MACROD1: variants seen among roughly 807,000 people sequenced by gnomAD.
The protein encoded by MACROD1 is mono-ADP ribosylhydrolase 1.
A neutral mutation model predicts 41.4 loss-of-function variants in MACROD1; 31 were observed. The observed-to-expected ratio is 0.75, with a 90% CI of 0.56 to 1.01. The LOEUF (loss-of-function observed/expected upper bound fraction) is 1.01. Ranked by LOEUF, MACROD1 falls within the 50% of genes least tolerant of loss-of-function variation. MACROD1 has a pLI of 0.00. For synonymous variants in MACROD1, 252 were observed against 203.4 expected, an observed-to-expected ratio of 1.24 and a Z score of -2.03; for missense variants, 473 against 460.0, an observed-to-expected ratio of 1.03 and a Z score of -0.26.
At chr11:64,158,055 C>T (rs1451482407) in intron 1 of MACROD1, among the ~76,000 whole-genome samples, 1 of 152,156 alleles carries the variant, frequency 6.6e-6, no homozygotes, top group East Asian at 1.9e-4. Flanking sequence ...GGAGAAGCCC[C>T]CCGACTCCCA....
At chr11:64,059,906 G>A (rs1943865007) in intron 3 of MACROD1, among the ~76,000 whole-genome samples, 1 of 152,098 alleles carries the variant, frequency 6.6e-6, no homozygotes, top group Non-Finnish European at 1.5e-5. Context: ...GCGAGGCGAG[G>A]CTGGCAACCG....
chr11:64,083,974 T>C (rs936031885), intron 3 of MACROD1, among the ~76,000 whole-genome samples: 1 of 150,394 alleles, frequency 6.6e-6, no homozygotes, highest in African/African-American at 2.4e-5. Flanking sequence ...ATGAAGAGTG[T>C]CATTTACACA....
chr11:64,095,830 T>C (rs1397348790), intron 3 of MACROD1, among the ~76,000 whole-genome samples: 2 of 151,960 alleles, frequency 1.3e-5, no homozygotes, highest in Non-Finnish European at 2.9e-5. Flanking sequence ...AAGTCAGGGG[T>C]TGAGACCTGA....
At chr11:64,014,900 AT>A (rs1437699905) in intron 4 of MACROD1, among the ~76,000 whole-genome samples, 3 of 152,164 alleles carry the variant, frequency 2.0e-5, no homozygotes, top group Admixed American at 1.3e-4. Context: ...AGAGATGATA[AT>A]TTTGCCCTCA....
intron 3 of MACROD1, among the ~76,000 whole-genome samples, chr11:64,063,491 T>C (rs1472382207): frequency 6.6e-6 from 1 of 151,874 alleles, no homozygotes; most frequent in Non-Finnish European, 1.5e-5. Flanking sequence ...CATCAAGGGG[T>C]GGGGAAAGGC....
chr11:64,152,291 C>T lies in MACROD1; in HGVS notation c.400+1G>A. On this transcript the variant is annotated splice_donor_variant, in intron 2 of 10. Coordinates refer to ENST00000255681, the MANE Select transcript of MACROD1 (RefSeq NM_014067.4). LOFTEE classifies it high-confidence loss of function. ...CAGGGCCTCCCCCGAGCAGGGCCTA[C>T]CTTTCGCCATCTCCTTCCATGTCGG... is the stretch of plus-strand genomic sequence containing the variant. 6.2e-7 allele frequency: 1 copy of T among 1,614,208 alleles called. No individual in the cohort carries two copies. Among genetic ancestry groups the T allele is most frequent in the Non-Finnish European group, 8.5e-7 (1 of 1,179,998 alleles).
At chr11:64,132,877 T>C (rs1028112128) in intron 3 of MACROD1, among the ~76,000 whole-genome samples, 3 of 152,154 alleles carry the variant, frequency 2.0e-5, no homozygotes, top group African/African-American at 7.2e-5. Flanking sequence ...TTACTCCCAT[T>C]TTAAAACCAG....
chr11:64,065,993 G>A (rs1365101309), intron 3 of MACROD1, among the ~76,000 whole-genome samples: 1 of 152,032 alleles, frequency 6.6e-6, no homozygotes, highest in Non-Finnish European at 1.5e-5. Flanking sequence ...AGCTTGCCAA[G>A]TGGCTATAAA....
chr11:64,085,115 T>C (rs1320598177), intron 3 of MACROD1, among the ~76,000 whole-genome samples: 1 of 152,088 alleles, frequency 6.6e-6, no homozygotes, highest in African/African-American at 2.4e-5. Context: ...GCCCATGCAG[T>C]GGGGCACCAG....
intron 3 of MACROD1, chr11:64,138,659 G>T (rs1021378769): frequency 1.0e-4 from 56 of 561,432 alleles, no homozygotes; most frequent in Non-Finnish European, 1.3e-4. Flanking sequence ...GGTTTTTACC[G>T]CAATTACAAT....
intron 3 of MACROD1, chr11:64,138,546 G>A: frequency 1.0e-6 from 1 of 985,448 alleles, no homozygotes; most frequent in Non-Finnish European, 1.2e-6. Flanking sequence ...AACCGTACCT[G>A]AAATACAGCC....
intron 3 of MACROD1, 57 bp from the exon 4 acceptor site, chr11:64,015,338 C>T: frequency 1.3e-6 from 2 of 1,541,444 alleles, no homozygotes; most frequent in South Asian, 1.2e-5. Context: ...GCGGGAGTAT[C>T]AGCCTTGAGG....
In MACROD1 at chr11:64,000,313, G is replaced by C. The variant is rs549628406; in HGVS notation, c.578C>G (p.Pro193Arg). Residue 193 changes from proline (P) to arginine (R), a missense_variant, in exon 5 of 11, where the codon CCC becomes CGC. Transcript: ENST00000255681. Reference sequence around the variant, plus strand: ...GGTCCGGCACTCGTCGGTAAGCAGGGGGCCGGCGGCCCGATGAATGCAGCC... The same window carrying C: ...GGTCCGGCACTCGTCGGTAAGCAGGCGGCCGGCGGCCCGATGAATGCAGCC... Reference protein sequence around the residue: ...VDGCIHRAAGPLLTDECRTLQ... With the variant: ...VDGCIHRAAGRLLTDECRTLQ... The C allele has an allele frequency of 7.5e-6, 12 of 1,592,228 alleles. No homozygotes were observed. The African/African-American group carries it at 9.4e-5, about 12-fold the overall frequency.
chr11:64,127,466 C>A (rs1274739404), intron 3 of MACROD1, among the ~76,000 whole-genome samples: 2 of 152,092 alleles, frequency 1.3e-5, no homozygotes, highest in African/African-American at 4.8e-5. Context: ...CCGGGCCTTG[C>A]CCCCGAGGGT....
intron 3 of MACROD1, among the ~76,000 whole-genome samples, chr11:64,022,380 C>A (rs1943169574): frequency 6.6e-6 from 1 of 152,208 alleles, no homozygotes; most frequent in Admixed American, 6.5e-5. Context: ...AGCTCAGATC[C>A]CCGCCATCAG....
At chr11:64,059,753 C>T (rs992555702) in intron 3 of MACROD1, among the ~76,000 whole-genome samples, 1 of 152,242 alleles carries the variant, frequency 6.6e-6, no homozygotes, top group Non-Finnish European at 1.5e-5. Context: ...GCCTTCCCCT[C>T]TGAGTCCGGG....
At chr11:64,016,389 G>GCGCC (rs1237058745) in intron 3 of MACROD1, among the ~76,000 whole-genome samples, 2 of 152,244 alleles carry the variant, frequency 1.3e-5, no homozygotes, top group Non-Finnish European at 2.9e-5. Context: ...GAGGCCAGCT[G>GCGCC]CGCCCGCCCC....
In MACROD1 at chr11:64,139,833, G is replaced by A. The variant is rs2134676930; in HGVS notation, c.517+11406C>T. Among the ~76,000 whole-genome samples, 4 of 152,216 alleles carry A rather than the reference G, an allele frequency of 2.6e-5. No homozygotes were observed. The South Asian group carries it at 8.3e-4, about 32-fold the overall frequency. The stretch of plus-strand genomic sequence containing the variant: ...TAGCCGGGCGTGGTGGCGGGCGCCT[G>A]TAATCCCAGCTACTCGGGAGGCTGA... On this transcript the variant is annotated intron_variant, in intron 3 of 10. Coordinates refer to ENST00000255681, the MANE Select transcript of MACROD1 (RefSeq NM_014067.4).
chr11:64,055,369 T>G (rs998275865), intron 3 of MACROD1, among the ~76,000 whole-genome samples: 1 of 152,056 alleles, frequency 6.6e-6, no homozygotes, highest in Non-Finnish European at 1.5e-5. Context: ...TCTGGGTGGG[T>G]GGAGTTGCCC....
Sources: gnomAD v4.1 joint callset for allele counts (sites outside exome capture counted in the v4.1 genomes callset) on GRCh38, gnomAD v4.1.1 for gene constraint, MANE v1.5 for transcripts, NCBI Gene and HGNC (gene_info 2026-07-23, HGNC 2026-07-21) for gene names.